The following KIAA1217 variants were observed in gnomAD, a reference collection of about 807,000 sequenced individuals.
KIAA1217 encodes sickle tail protein homolog.
In KIAA1217, 88 loss-of-function variants were observed where a neutral mutation model predicts 163.9. The observed-to-expected ratio is 0.54, with a 90% confidence interval of 0.45 to 0.64. The LOEUF (loss-of-function observed/expected upper bound fraction) is 0.64. Ranked by LOEUF, KIAA1217 falls within the 30% of genes least tolerant of loss-of-function variation. KIAA1217 has a pLI of 0.00. For missense variants in KIAA1217, 2,372 were observed against 2,475.0 expected (o/e 0.96, Z 0.88); for synonymous variants, 903 against 923.1 (o/e 0.98, Z 0.39).
chr10:24,277,947 T>C (rs2077489599), intron 2 of KIAA1217, among the ~76,000 whole-genome samples: 1 of 152,236 alleles, frequency 6.6e-6, no homozygotes, highest in African/African-American at 2.4e-5. Flanking sequence ...AAGCAGTGCT[T>C]GCTGGCTTCC....
At chr10:24,515,157 C>T (rs570792146) in intron 10 of KIAA1217, among the ~76,000 whole-genome samples, 3 of 151,806 alleles carry the variant, frequency 2.0e-5, no homozygotes, top group Non-Finnish European at 4.4e-5. Context: ...ACCTCCAACT[C>T]CTGGGTTCAA....
At chr10:24,063,950 A>G (rs552469211) in intron 2 of KIAA1217, among the ~76,000 whole-genome samples, 1 of 152,010 alleles carries the variant, frequency 6.6e-6, no homozygotes, top group African/African-American at 2.4e-5. Flanking sequence ...TTTGTCTGTT[A>G]TTGGTGTATA....
At chr10:24,156,778 T>C (rs1452237931) in intron 2 of KIAA1217, among the ~76,000 whole-genome samples, 1 of 152,174 alleles carries the variant, frequency 6.6e-6, no homozygotes, top group Non-Finnish European at 1.5e-5. Flanking sequence ...ATTCTTCTTA[T>C]CCTGCCTCAC....
intron 2 of KIAA1217, among the ~76,000 whole-genome samples, chr10:24,089,789 A>G (rs1007224079): frequency 5.3e-5 from 8 of 151,888 alleles, no homozygotes; most frequent in African/African-American, 1.7e-4. Context: ...AATGAAATAA[A>G]AGAGGATACA....
At chr10:23,818,349 A>ATATATATATATATATATATATAT (rs1488592375) in intron 1 of KIAA1217, among the ~76,000 whole-genome samples, 1 of 126,854 alleles carries the variant, frequency 7.9e-6, no homozygotes, top group African/African-American at 3.2e-5. Flanking sequence ...TATATATAAA[A>ATATATATATATATATATATATAT]AAATATATAT....
chr10:24,473,584 G>A lies in KIAA1217; in HGVS notation c.1203G>A (p.Glu401=). Residue 401 remains glutamate, a synonymous_variant, in exon 6 of 21, where the codon GAG becomes GAA. Coordinates refer to ENST00000376454, the MANE Select transcript of KIAA1217 (RefSeq NM_019590.5). ...ATGCTGATCCTTACCTTTATCACGAGGGACGGATGAGCATAGCCTCATCCC... is the reference window on the plus strand; with the variant it reads ...ATGCTGATCCTTACCTTTATCACGAAGGACGGATGAGCATAGCCTCATCCC... ...GFYADPYLYH[E]GRMSIASSHG... is the part of the protein sequence containing the mutation. 6.2e-7 allele frequency: 1 copy of A among 1,614,150 alleles called. No individual in the cohort carries two copies. The highest frequency in any genetic ancestry group is 8.5e-7 in the Non-Finnish European group (1 of 1,180,024).
chr10:24,299,890 C>T (rs1278802081), intron 2 of KIAA1217, among the ~76,000 whole-genome samples: 1 of 152,156 alleles, frequency 6.6e-6, no homozygotes, highest in African/African-American at 2.4e-5. Flanking sequence ...ACCAAACTGC[C>T]TCTGTTTTCC....
At position 24,433,245 on chromosome 10, in the gene KIAA1217, GTTTTTTGT is replaced by G. The variant is rs761541736; in HGVS notation, c.752+65_752+72del. On this transcript the variant is annotated intron_variant, in intron 4 of 20. Coordinates refer to ENST00000376454, the MANE Select transcript of KIAA1217 (RefSeq NM_019590.5). ...GCCATTTTGCCTTAGAGTTTTTTTT[GTTTTTTGT>G]TTTTTTGTTTTTGAGGGGTTTTTTT... 5 of 1,410,058 alleles carry G rather than the reference GTTTTTTGT, an allele frequency of 3.5e-6. No homozygotes were observed. In the South Asian group the frequency reaches 3.9e-5, roughly 11 times the overall value. 87.3% of individuals were successfully genotyped at this position (1,410,058 alleles called of 1,614,324 possible).
At chr10:23,850,222 T>G (rs1488119512) in intron 1 of KIAA1217, among the ~76,000 whole-genome samples, 1 of 152,122 alleles carries the variant, frequency 6.6e-6, no homozygotes, top group Non-Finnish European at 1.5e-5. Flanking sequence ...CACTCCATGG[T>G]TAACATCTTC....
intron 1 of KIAA1217, among the ~76,000 whole-genome samples, chr10:23,912,302 G>A (rs1484980299): frequency 6.6e-6 from 1 of 152,042 alleles, no homozygotes; most frequent in Non-Finnish European, 1.5e-5. Flanking sequence ...CAGTTGGGAG[G>A]CTCAAAGGTA....
At chr10:23,953,723 C>A (rs898005750) in intron 1 of KIAA1217, among the ~76,000 whole-genome samples, 6 of 152,200 alleles carry the variant, frequency 3.9e-5, no homozygotes, top group Admixed American at 3.3e-4. Flanking sequence ...GTACATCCAA[C>A]ATGTAGCATA....
chr10:23,720,693 TC>T (rs1837833025), intron 1 of KIAA1217, among the ~76,000 whole-genome samples: 1 of 152,192 alleles, frequency 6.6e-6, no homozygotes, highest in South Asian at 2.1e-4. Flanking sequence ...CTCTCTGCTT[TC>T]AATTTATAAT....
chr10:24,148,781 A>G (rs1321253408), intron 2 of KIAA1217, among the ~76,000 whole-genome samples: 6 of 152,222 alleles, frequency 3.9e-5, no homozygotes, highest in African/African-American at 1.2e-4. Flanking sequence ...AGTCTCAAGT[A>G]TTCCTTTATA....
chr10:24,044,579 T>C (rs1848856589), intron 2 of KIAA1217, among the ~76,000 whole-genome samples: 1 of 152,054 alleles, frequency 6.6e-6, no homozygotes, highest in Non-Finnish European at 1.5e-5. Context: ...TCACCTCTTT[T>C]CCATGCTCCC....
chr10:23,989,267 A>T (rs1224729513), intron 1 of KIAA1217, among the ~76,000 whole-genome samples: 2 of 152,248 alleles, frequency 1.3e-5, no homozygotes, highest in African/African-American at 4.8e-5. Flanking sequence ...AACAGAAGAC[A>T]GATGAATAAA....
intron 2 of KIAA1217, among the ~76,000 whole-genome samples, chr10:24,229,251 A>G (rs7077598): frequency 0.9 from 136,833 of 152,248 alleles, 61,960 homozygotes; most frequent in Non-Finnish European, 0.97. Flanking sequence ...CTTTGGCCAC[A>G]GTGAAGGTCT....
At chr10:24,421,823 T>G (rs1475321931) in intron 3 of KIAA1217, among the ~76,000 whole-genome samples, 1 of 152,230 alleles carries the variant, frequency 6.6e-6, no homozygotes, top group African/African-American at 2.4e-5. Context: ...ATAAATTATT[T>G]TGGATCATGA....
chr10:23,950,182 T>C (rs1457679163), intron 1 of KIAA1217, among the ~76,000 whole-genome samples: 1 of 152,236 alleles, frequency 6.6e-6, no homozygotes, highest in African/African-American at 2.4e-5. Context: ...GTTGTAATCA[T>C]GGCAGTGATC....
intron 2 of KIAA1217, among the ~76,000 whole-genome samples, chr10:24,128,908 G>A (rs994286102): frequency 5.9e-5 from 9 of 152,170 alleles, no homozygotes; most frequent in African/African-American, 2.2e-4. Context: ...CGTAGCCAAG[G>A]CCCTCAATGG....
Sources: gnomAD v4.1 joint callset for allele counts (sites outside exome capture counted in the v4.1 genomes callset) on GRCh38, gnomAD v4.1.1 for gene constraint, MANE v1.5 for transcripts, NCBI Gene and HGNC (gene_info 2026-07-23, HGNC 2026-07-21) for gene names.